PRR5: variants seen among roughly 807,000 people sequenced by gnomAD.
PRR5 encodes proline rich 5, also known as proline-rich protein 5.
PRR5 carries 25 observed loss-of-function variants against 30.6 expected under a neutral mutation model. That is an observed-to-expected ratio of 0.82 (90% confidence interval 0.60 to 1.14). The LOEUF is 1.14. Among genes scored for constraint, PRR5 ranks in the 50% most tolerant of loss-of-function variants. The pLI is 0.00. For synonymous variants in PRR5, 286 were observed against 247.1 expected, an observed-to-expected ratio of 1.16 and a Z score of -1.48; for missense variants, 600 against 547.1, an observed-to-expected ratio of 1.10 and a Z score of -0.96.
intron 6 of PRR5, among the ~76,000 whole-genome samples, chr22:44,732,736 CACCA>C (rs200885397): frequency 0.015 from 2,255 of 150,036 alleles, 21 homozygotes; most frequent in South Asian, 0.033. Flanking sequence ...CATGCATACA[CACCA>C]CACACGTGTG....
intron 1 of PRR5, among the ~76,000 whole-genome samples, chr22:44,687,730 C>G (rs1924876963): frequency 6.6e-6 from 1 of 152,152 alleles, no homozygotes; most frequent in Non-Finnish European, 1.5e-5. Flanking sequence ...AACACCCTCT[C>G]TCCACCCCCA....
intron 1 of PRR5, among the ~76,000 whole-genome samples, chr22:44,685,350 A>G (rs984652307): frequency 6.6e-6 from 1 of 152,106 alleles, no homozygotes; most frequent in Non-Finnish European, 1.5e-5. Flanking sequence ...ACAGAGCAAG[A>G]CCCCATCTCA....
chr22:44,716,663 CTAA>C (rs1929098931), intron 2 of PRR5, among the ~76,000 whole-genome samples: 1 of 152,106 alleles, frequency 6.6e-6, no homozygotes, highest in African/African-American at 2.4e-5. Context: ...GGTCACAGGG[CTAA>C]TAATGAATAG....
At position 44,685,966 on chromosome 22, in the gene PRR5, C is replaced by T. The variant is rs145121268; in HGVS notation, c.-11+8726C>T. 2.2e-4 allele frequency among the ~76,000 whole-genome samples: 34 copies of T among 152,350 alleles called. No individual in the cohort carries two copies. The East Asian group carries it at 6.6e-3, about 29-fold the overall frequency. On this transcript the variant is annotated intron_variant, in intron 1 of 8. Coordinates refer to the PRR5 transcript ENST00000006251. ...ATGATGCCACACATCAGAAGTTCCC[C>T]TATTGGGGCCCGGCATGGTGGCTCA...
chr22:44,698,803 T>C (rs1055676414), upstream of PRR5, among the ~76,000 whole-genome samples: 20 of 152,234 alleles, frequency 1.3e-4, no homozygotes, highest in African/African-American at 4.8e-4. Flanking sequence ...CCTCCGACGC[T>C]GCAGGCCACA....
At chr22:44,729,862 C>A (rs751273297) in intron 4 of PRR5, 51 of 985,280 alleles carry the variant, frequency 5.2e-5, no homozygotes, top group Non-Finnish European at 5.9e-5. Context: ...CCCAGAGCCA[C>A]CCCCCGGCCA....
At position 44,691,895 on chromosome 22, in the gene PRR5, G is replaced by T. The variant is rs942739093; in HGVS notation, c.-10-10597G>T. 6.6e-6 allele frequency among the ~76,000 whole-genome samples: 1 copy of T among 152,004 alleles called. No homozygotes were observed. The highest frequency in any genetic ancestry group is 1.5e-5 in the Non-Finnish European group (1 of 67,974). ...TGGACGCCCCTCCTCCACGAGGGAAGCCAGGGCCTTGCCAGTGTCCAGAGG... is the reference window on the plus strand; with the variant it reads ...TGGACGCCCCTCCTCCACGAGGGAATCCAGGGCCTTGCCAGTGTCCAGAGG... On this transcript the variant is annotated intron_variant, in intron 1 of 8. Transcript: ENST00000006251. This position sits in a 1 kb window ranked among gnomAD's most constrained non-coding sequence, Gnocchi z 4.4.
At chr22:44,725,443 G>T in intron 3 of PRR5, 151 bp downstream of exon 3, 2 of 963,690 alleles carry the variant, frequency 2.1e-6, no homozygotes, top group Non-Finnish European at 3.1e-6. Context: ...ATCTAGCCAC[G>T]TGGAATGTTG....
chr22:44,706,570 C>T (rs1366557990), intron 1 of PRR5, among the ~76,000 whole-genome samples: 2 of 152,190 alleles, frequency 1.3e-5, no homozygotes, highest in Admixed American at 6.5e-5. Flanking sequence ...TGCTCTGTCA[C>T]CCGGGCTGGA....
upstream of PRR5, among the ~76,000 whole-genome samples, chr22:44,672,799 G>A (rs931211240): frequency 3.0e-4 from 46 of 152,272 alleles, no homozygotes; most frequent in African/African-American, 1.0e-3. Context: ...GCCAGCCCAC[G>A]AGGTGGGCGT....
Position 44,731,595 on chromosome 22 carries a change from C to A in PRR5, c.323-135C>A, listed in dbSNP as rs572207861. 1.3e-4 allele frequency: 102 copies of A among 782,106 alleles called. No homozygotes were observed. The East Asian group carries it at 1.5e-3, about 11-fold the overall frequency. 48.4% of individuals were successfully genotyped at this position (782,106 alleles called of 1,614,324 possible). A position where few individuals can be genotyped will look rare whatever the true frequency, so the allele number is the denominator to read the frequency against. ...ACAGCTGAGCTGTGGAGCTGGACAT[C>A]GACCTTGGGCAGGTGCTGCCAGGGG... On this transcript the variant is annotated intron_variant, in intron 4 of 7. Coordinates refer to ENST00000336985, the MANE Select transcript of PRR5 (RefSeq NM_181333.4).
At chr22:44,726,416 T>A (rs1483535802) in intron 3 of PRR5, among the ~76,000 whole-genome samples, 161 bp from the exon 4 acceptor site, 1 of 152,176 alleles carries the variant, frequency 6.6e-6, no homozygotes, top group Non-Finnish European at 1.5e-5. Context: ...GATGAACTGA[T>A]GCTCAGGCCC....
At chr22:44,678,296 T>C (rs1021281362) in intron 1 of PRR5, among the ~76,000 whole-genome samples, 49 of 150,880 alleles carry the variant, frequency 3.2e-4, no homozygotes, top group African/African-American at 1.1e-3. Flanking sequence ...TTTTTTGTCG[T>C]CCTTCACCTG....
chr22:44,706,998 G>A (rs1048227021), intron 1 of PRR5, among the ~76,000 whole-genome samples: 1 of 152,184 alleles, frequency 6.6e-6, no homozygotes, highest in Non-Finnish European at 1.5e-5. Context: ...TGCCAAGGTG[G>A]CAGAGATGTG....
intron 1 of PRR5, 86 bp downstream of exon 1, chr22:44,702,694 G>A: frequency 8.1e-7 from 1 of 1,227,784 alleles, no homozygotes; most frequent in South Asian, 3.6e-5. Context: ...GGGCCGCCCC[G>A]AGCCAGGAAC....
At chr22:44,692,507 G>A (rs1239790391) in intron 1 of PRR5, among the ~76,000 whole-genome samples, 2 of 123,620 alleles carry the variant, frequency 1.6e-5, no homozygotes, top group Admixed American at 1.6e-4. Flanking sequence ...CCTCCACCTG[G>A]CACTCCTCCT....
chr22:44,724,590 G>A (rs1930406025), intron 2 of PRR5, among the ~76,000 whole-genome samples: 1 of 152,194 alleles, frequency 6.6e-6, no homozygotes, highest in Admixed American at 6.5e-5. Context: ...GGAATGTGGT[G>A]CTCCCATTCT....
chr22:44,723,414 G>C (rs1930230783), intron 2 of PRR5, among the ~76,000 whole-genome samples: 1 of 152,106 alleles, frequency 6.6e-6, no homozygotes, highest in Non-Finnish European at 1.5e-5. Flanking sequence ...TGAATATTTA[G>C]TGCACTATAA....
chr22:44,736,036 A>C (rs1923180084), intron 7 of PRR5, among the ~76,000 whole-genome samples: 1 of 151,928 alleles, frequency 6.6e-6, no homozygotes, highest in African/African-American at 2.4e-5. Context: ...CCTGGTGGCC[A>C]CTCTTGGGAT....
Sources: gnomAD v4.1 joint callset for allele counts (sites outside exome capture counted in the v4.1 genomes callset) on GRCh38, gnomAD v4.1.1 for gene constraint, Gnocchi (gnomAD v3.1) non-coding constraint, MANE v1.5 for transcripts, NCBI Gene and HGNC (gene_info 2026-07-23, HGNC 2026-07-21) for gene names.